The following CALCR variants were observed in gnomAD, a reference collection of about 807,000 sequenced individuals.
CALCR encodes the protein calcitonin receptor.
Under a neutral mutation model 59.5 loss-of-function variants are expected in CALCR, and 47 were observed. The ratio of observed to expected loss-of-function variants is 0.79; its 90% confidence interval spans 0.63 to 1.01. The LOEUF is 1.01. CALCR is among the 50% of genes least tolerant of loss of function. The pLI is 0.00. For missense variants in CALCR, 566 were observed against 597.1 expected (o/e 0.95, Z 0.54); for synonymous variants, 213 against 211.3 (o/e 1.01, Z -0.07).
chr7:93,460,602 T>TATATGTATATATAC (rs1169991549), intron 8 of CALCR, among the ~76,000 whole-genome samples: 3 of 138,000 alleles, frequency 2.2e-5, no homozygotes, highest in African/African-American at 8.3e-5. Context: ...TGTATATATA[T>TATATGTATATATAC]ATATATATAT....
intron 8 of CALCR, among the ~76,000 whole-genome samples, chr7:93,452,003 G>A (rs1329278156): frequency 2.0e-5 from 3 of 151,868 alleles, no homozygotes; most frequent in South Asian, 2.1e-4. Context: ...GAAACAACAG[G>A]GACTGGGGAC....
intron 2 of CALCR, among the ~76,000 whole-genome samples, chr7:93,504,093 G>A (rs1801377208): frequency 6.6e-6 from 1 of 152,158 alleles, no homozygotes; most frequent in South Asian, 2.1e-4. Flanking sequence ...ATTAATCTCA[G>A]TGGCCAATGA....
intron 5 of CALCR, among the ~76,000 whole-genome samples, chr7:93,474,217 A>C (rs970450140): frequency 3.3e-5 from 5 of 151,660 alleles, no homozygotes; most frequent in African/African-American, 9.7e-5. Context: ...ATATATTGGG[A>C]GTAAAAAGTG....
intron 13 of CALCR, among the ~76,000 whole-genome samples, chr7:93,428,384 G>A (rs1799576114): frequency 6.6e-6 from 1 of 152,206 alleles, no homozygotes; most frequent in African/African-American, 2.4e-5. Context: ...CTTTATTTGG[G>A]TGGTACTATT....
At chr7:93,526,692 G>C (rs112595656) in intron 2 of CALCR, among the ~76,000 whole-genome samples, 178 of 152,108 alleles carry the variant, frequency 1.2e-3, no homozygotes, top group African/African-American at 4.0e-3. Context: ...ACAGCAAATT[G>C]TTGCAAGAAG....
At chr7:93,554,706 C>T (rs998407633) in intron 2 of CALCR, among the ~76,000 whole-genome samples, 3 of 147,794 alleles carry the variant, frequency 2.0e-5, no homozygotes, top group African/African-American at 7.8e-5. Flanking sequence ...ACCCATTTCC[C>T]AGGTTAGGAT....
chr7:93,572,491 G>A (rs1343767268), intron 2 of CALCR, among the ~76,000 whole-genome samples: 2 of 152,130 alleles, frequency 1.3e-5, no homozygotes, highest in African/African-American at 2.4e-5. Flanking sequence ...TTTGCAGCCC[G>A]AGTTGAGAAT....
chr7:93,534,188 C>T (rs983473548), intron 2 of CALCR, among the ~76,000 whole-genome samples: 11 of 151,772 alleles, frequency 7.2e-5, no homozygotes, highest in African/African-American at 2.7e-4. Flanking sequence ...ACAACGATTA[C>T]ATAACAGTCT....
intron 2 of CALCR, among the ~76,000 whole-genome samples, chr7:93,521,796 C>G (rs2040564443): frequency 6.6e-6 from 1 of 152,054 alleles, no homozygotes; most frequent in South Asian, 2.1e-4. Flanking sequence ...CTATTAAATA[C>G]TTTATTAAAT....
intron 5 of CALCR, among the ~76,000 whole-genome samples, chr7:93,477,039 G>A (rs1390080414): frequency 6.6e-6 from 1 of 151,788 alleles, no homozygotes; most frequent in Non-Finnish European, 1.5e-5. Context: ...AGCACAAAAA[G>A]CATTTTTCTA....
Position 93,490,812 on chromosome 7 carries a change from G to A in CALCR, c.-26-3805C>T, listed in dbSNP as rs185976411. Among the ~76,000 whole-genome samples, 535 of 152,000 alleles carry A rather than the reference G, an allele frequency of 3.5e-3. 3 individuals are homozygous for A. The highest frequency in any genetic ancestry group is 0.012 in the African/African-American group (503 of 41,504). The stretch of plus-strand genomic sequence containing the variant: ...CTCATGGATAGGAAGAATCGATATC[G>A]TGAAAATGGCCATACTGCTCAAAGT... On this transcript the variant is annotated intron_variant, in intron 2 of 13. Transcript: ENST00000426151.
At chr7:93,503,233 T>C (rs1369802278) in intron 2 of CALCR, among the ~76,000 whole-genome samples, 3 of 152,132 alleles carry the variant, frequency 2.0e-5, no homozygotes, top group African/African-American at 4.8e-5. Flanking sequence ...GTCTGGAATA[T>C]GCTGTTCTCA....
intron 2 of CALCR, among the ~76,000 whole-genome samples, chr7:93,542,234 G>A (rs1444245017): frequency 6.6e-6 from 1 of 152,162 alleles, no homozygotes; most frequent in Non-Finnish European, 1.5e-5. Context: ...ACACACCTTG[G>A]TTGGATGGGA....
Position 93,438,048 on chromosome 7 carries a change from A to C in CALCR, c.930+12T>G, listed in dbSNP as rs1349202099. The stretch of plus-strand genomic sequence containing the variant: ...AATACTACTAATATTGCAATAAAAA[A>C]CTAATTCTCACCACAAGTGCCGCCA... On this transcript the variant is annotated intron_variant, in intron 11 of 13. Transcript: ENST00000426151. 6.2e-6 allele frequency: 10 copies of C among 1,610,490 alleles called. No homozygotes were observed. Among genetic ancestry groups the C allele is most frequent in the Admixed American group, 1.7e-5 (1 of 59,972 alleles).
intron 9 of CALCR, among the ~76,000 whole-genome samples, chr7:93,440,841 C>A (rs1409587610): frequency 6.6e-6 from 1 of 152,028 alleles, no homozygotes; most frequent in Non-Finnish European, 1.5e-5. Flanking sequence ...ATCTGTATAA[C>A]CATTGATTAG....
chr7:93,525,601 C>T (rs1801860421), intron 2 of CALCR, among the ~76,000 whole-genome samples: 1 of 152,166 alleles, frequency 6.6e-6, no homozygotes, highest in Admixed American at 6.5e-5. Context: ...AACAGTACTG[C>T]AGTTCATATA....
At chr7:93,496,276 T>G (rs1008592372) in intron 2 of CALCR, among the ~76,000 whole-genome samples, 2 of 151,460 alleles carry the variant, frequency 1.3e-5, no homozygotes, top group Non-Finnish European at 1.5e-5. Flanking sequence ...CTATAGACAT[T>G]AGCACTTTAA....
chr7:93,476,385 G>A (rs904326546), intron 5 of CALCR, among the ~76,000 whole-genome samples: 1 of 151,744 alleles, frequency 6.6e-6, no homozygotes, highest in African/African-American at 2.4e-5. Context: ...TAAGATGTAA[G>A]CTTTAGGTCA....
At chr7:93,545,661 T>A (rs1026202247) in intron 2 of CALCR, among the ~76,000 whole-genome samples, 1 of 152,184 alleles carries the variant, frequency 6.6e-6, no homozygotes, top group African/African-American at 2.4e-5. Context: ...AATTACCAAT[T>A]ATTTTTGCTG....
Sources: gnomAD v4.1 joint callset for allele counts (sites outside exome capture counted in the v4.1 genomes callset) on GRCh38, gnomAD v4.1.1 for gene constraint, MANE v1.5 for transcripts, NCBI Gene and HGNC (gene_info 2026-07-23, HGNC 2026-07-21) for gene names.